Variants in FBLN5 observed in about 807,000 individuals in gnomAD.
The protein encoded by FBLN5 is fibulin-5.
A neutral mutation model predicts 61.6 loss-of-function variants in FBLN5; 24 were observed. That is an observed-to-expected ratio of 0.39 (90% CI 0.28 to 0.55). The LOEUF is 0.55. Ranked by LOEUF, FBLN5 falls within the 20% of genes least tolerant of loss-of-function variation. The probability of loss-of-function intolerance (pLI) is 0.65; values close to 1 mark genes in which losing one functional copy is unlikely to be tolerated. For synonymous variants in FBLN5, 213 were observed against 219.8 expected (o/e 0.97, Z 0.27); for missense variants, 470 against 594.1 (o/e 0.79, Z 2.17).
rs1246495555 is a variant in FBLN5 at position 91,887,216 on chromosome 14, T to C, written c.716A>G (p.Glu239Gly). Reference sequence around the variant, plus strand: ...ACCACTGCAATGAACGCCATCTTCCTCAAGTTCATATCCTGGGTCACAGCG... The same window carrying C: ...ACCACTGCAATGAACGCCATCTTCCCCAAGTTCATATCCTGGGTCACAGCG... The part of the protein sequence containing the change: ...ICRCDPGYEL[E>G]EDGVHCSDMD... Residue 239 changes from glutamate to glycine, a missense_variant, in exon 7 of 11, where the codon GAG becomes GGG. Transcript: ENST00000342058. The C allele has an allele frequency of 1.2e-6, 2 of 1,613,398 alleles. No individual in the cohort carries two copies. Among genetic ancestry groups the C allele is most frequent in the East Asian group, 2.2e-5 (1 of 44,820 alleles).
rs1351237547 is a variant in FBLN5, at chr14:91,882,911, C to A, written c.862+43G>T. 6.2e-7 allele frequency: 1 copy of A among 1,609,752 alleles called. No homozygotes were observed. The highest frequency in any genetic ancestry group is 2.2e-5 in the East Asian group (1 of 44,730). ...CAGATGAGCCCCTGAAGCAGCTCCA[C>A]CTCACACATACACCCCAGCCAGGCC... is the stretch of plus-strand genomic sequence containing the variant. On this transcript the variant is annotated intron_variant, in intron 8 of 10. Transcript: ENST00000342058. The surrounding 1 kb of genome is among the most constrained non-coding windows in gnomAD (Gnocchi z 4.9).
In FBLN5 at chr14:91,869,669, T is replaced by C. The variant is rs963931866; in HGVS notation, c.*555A>G. 6.2e-6 allele frequency: 1 copy of C among 160,332 alleles called. No homozygotes were observed. Among genetic ancestry groups the C allele is most frequent in the African/African-American group, 2.4e-5 (1 of 41,550 alleles). The allele number at this position is 160,332 out of a possible 1,614,324, so 9.9% of individuals were successfully genotyped here. On this transcript the variant is annotated 3_prime_UTR_variant, in exon 11 of 11. Coordinates refer to ENST00000342058, the MANE Select transcript of FBLN5 (RefSeq NM_006329.4). ...AAATTTAAGGACAACTGAAACTTCT[T>C]TTATGGTTGAAAATACCAGGCATGG...
intron 4 of FBLN5, among the ~76,000 whole-genome samples, chr14:91,895,763 A>C (rs1361419293): frequency 7.5e-6 from 1 of 133,656 alleles, no homozygotes; most frequent in Admixed American, 9.2e-5. Context: ...GCACGACTTC[A>C]CTCCAACCTG....
Position 91,900,830 on chromosome 14 carries a change from A to T in FBLN5, c.380-5758T>A, listed in dbSNP as rs141778221. ...TCCCCGGGGAGGTGCTGTTTCTGACAGCTGTGGAAGATAGAAGAAGGTTGG... is the reference window on the plus strand; with the variant it reads ...TCCCCGGGGAGGTGCTGTTTCTGACTGCTGTGGAAGATAGAAGAAGGTTGG... On this transcript the variant is annotated intron_variant, in intron 4 of 10. Transcript: ENST00000342058. 1.0e-3 allele frequency among the ~76,000 whole-genome samples: 159 copies of T among 152,314 alleles called. 1 individual carries two copies. The highest frequency in any genetic ancestry group is 3.7e-3 in the African/African-American group (153 of 41,572).
intron 5 of FBLN5, among the ~76,000 whole-genome samples, chr14:91,892,639 G>A (rs940247172): frequency 3.3e-5 from 5 of 152,192 alleles, no homozygotes; most frequent in Admixed American, 2.6e-4. Context: ...ACAGTGGCTG[G>A]CCCTGACTTC....
At chr14:91,881,925 G>A (rs1443458500) in intron 8 of FBLN5, among the ~76,000 whole-genome samples, 1 of 152,052 alleles carries the variant, frequency 6.6e-6, no homozygotes, top group Non-Finnish European at 1.5e-5. Flanking sequence ...AGACCAGCCT[G>A]GCCAACATGG....
At chr14:91,946,738 C>G (rs1442734408) in intron 1 of FBLN5, 2 of 1,536,118 alleles carry the variant, frequency 1.3e-6, no homozygotes, top group Admixed American at 3.9e-5. Flanking sequence ...GTTCCCACTT[C>G]TCATTGGCTT....
chr14:91,870,132 G>T lies in FBLN5; in HGVS notation c.*92C>A. 1 of 1,321,370 alleles carries T rather than the reference G, an allele frequency of 7.6e-7. No individual in the cohort carries two copies. The highest frequency in any genetic ancestry group is 1.1e-6 in the Non-Finnish European group (1 of 919,758). The allele number at this position is 1,321,370 out of a possible 1,614,324, so 81.9% of individuals were successfully genotyped here. ...AAACGTTCAGCAGGAAATGCCTAAC[G>T]TCTGTGTCGCTCTCATTCTCTCTGT... On this transcript the variant is annotated 3_prime_UTR_variant, in exon 11 of 11. Coordinates refer to ENST00000342058, the MANE Select transcript of FBLN5 (RefSeq NM_006329.4).
chr14:91,891,081 A>G lies in FBLN5; in HGVS notation c.619+140T>C, dbSNP rs551639795. ...GGTTCAGGTCTCACGTTTCTGTAGT[A>G]ATGGGGATGGGCGGGCAGTGGCAAG... On this transcript the variant is annotated intron_variant, in intron 6 of 10. Transcript: ENST00000342058. 5.6e-6 allele frequency: 4 copies of G among 719,888 alleles called. No homozygotes were observed. In the South Asian group the frequency reaches 5.9e-5, roughly 11 times the overall value. 44.6% of individuals were successfully genotyped at this position (719,888 alleles called of 1,614,324 possible).
At chr14:91,885,561 G>A (rs753943685) in intron 7 of FBLN5, among the ~76,000 whole-genome samples, 16 of 152,124 alleles carry the variant, frequency 1.1e-4, no homozygotes, top group Non-Finnish European at 1.6e-4. Context: ...CCTCTGGGCC[G>A]TGCCAACTTA....
In FBLN5 at chr14:91,869,997, A is replaced by G. The variant is rs1035193180; in HGVS notation, c.*227T>C. 3.5e-6 allele frequency: 2 copies of G among 569,384 alleles called. No individual in the cohort carries two copies. The highest frequency in any genetic ancestry group is 2.8e-5 in the Admixed American group (1 of 35,688). 35.3% of individuals were successfully genotyped at this position (569,384 alleles called of 1,614,324 possible). On this transcript the variant is annotated 3_prime_UTR_variant, in exon 11 of 11. Coordinates refer to ENST00000342058, the MANE Select transcript of FBLN5 (RefSeq NM_006329.4). ...AATCTTCTATCAGGGGAGCAATGAT[A>G]ATACTTTTTGATAACTGTGTCATAG...
intron 5 of FBLN5, 64 bp downstream of exon 5, chr14:91,894,886 T>G: frequency 7.6e-7 from 1 of 1,321,816 alleles, no homozygotes; most frequent in Non-Finnish European, 9.9e-7. Flanking sequence ...TGCCCATACC[T>G]CAAAATGCCC....
intron 9 of FBLN5, among the ~76,000 whole-genome samples, 172 bp downstream of exon 9, chr14:91,881,120 T>TACACACACAC (rs200128392): frequency 1.9e-4 from 12 of 61,550 alleles, no homozygotes; most frequent in African/African-American, 8.5e-4. Flanking sequence ...TGTTCTATTC[T>TACACACACAC]ACACACACAC....
chr14:91,906,817 A>G (rs559850127), intron 4 of FBLN5, among the ~76,000 whole-genome samples: 8 of 152,230 alleles, frequency 5.3e-5, no homozygotes, highest in East Asian at 1.9e-4. Flanking sequence ...ACTGCCCCCA[A>G]TGCCTCTGCT....
At chr14:91,880,546 TG>T (rs1394919035) in intron 9 of FBLN5, among the ~76,000 whole-genome samples, 2 of 151,886 alleles carry the variant, frequency 1.3e-5, no homozygotes, top group African/African-American at 4.8e-5. Context: ...TGTGTGTGTG[TG>T]TGTGTGTGTG....
chr14:91,933,110 G>A (rs899820616), intron 4 of FBLN5, among the ~76,000 whole-genome samples: 9 of 152,304 alleles, frequency 5.9e-5, no homozygotes, highest in East Asian at 5.8e-4. Context: ...ATGCTACTCC[G>A]GGGACTGCAG....
At chr14:91,893,898 G>T (rs994973531) in intron 5 of FBLN5, among the ~76,000 whole-genome samples, 8 of 152,206 alleles carry the variant, frequency 5.3e-5, no homozygotes, top group African/African-American at 1.7e-4. Context: ...ACTGATGTAA[G>T]ATCAGGATCT....
chr14:91,919,887 T>C (rs1245513753), intron 4 of FBLN5, among the ~76,000 whole-genome samples: 1 of 152,226 alleles, frequency 6.6e-6, no homozygotes, highest in Non-Finnish European at 1.5e-5. Context: ...TGTGGTACTC[T>C]GTTATGGCCA....
intron 4 of FBLN5, among the ~76,000 whole-genome samples, chr14:91,896,047 G>C (rs1221242600): frequency 1.3e-5 from 2 of 152,106 alleles, no homozygotes; most frequent in Non-Finnish European, 1.5e-5. Context: ...TCTTAACTTA[G>C]AGCTTCAGAG....
Sources: allele counts gnomAD v4.1 joint callset (sites outside exome capture counted in the v4.1 genomes callset), GRCh38; gene constraint gnomAD v4.1.1; non-coding constraint Gnocchi (gnomAD v3.1); transcripts MANE v1.5; gene names NCBI Gene and HGNC (gene_info 2026-07-23, HGNC 2026-07-21).